DIAPH2: variants seen among roughly 807,000 people sequenced by gnomAD.
DIAPH2 encodes the protein diaphanous related formin 2, also known as protein diaphanous homolog 2.
A neutral mutation model predicts 92.7 loss-of-function variants in DIAPH2; 35 were observed. That is an observed-to-expected ratio of 0.38 (90% CI 0.29 to 0.50). The LOEUF is 0.50. Ranked by LOEUF, DIAPH2 falls within the 20% of genes least tolerant of loss-of-function variation. The pLI is 0.94. For missense variants in DIAPH2, 701 were observed against 819.5 expected, an observed-to-expected ratio of 0.86 and a Z score of 1.77; for synonymous variants, 301 against 280.4, an observed-to-expected ratio of 1.07 and a Z score of -0.73.
intron 23 of DIAPH2, among the ~76,000 whole-genome samples, chrX:97,282,698 G>T (rs2068509053): frequency 1.8e-5 from 2 of 111,486 alleles, no homozygotes; most frequent in Non-Finnish European, 3.8e-5. Flanking sequence ...CCATTTATTT[G>T]CCTCTTGATA....
At chrX:97,246,547 T>C (rs1016761635) in intron 22 of DIAPH2, among the ~76,000 whole-genome samples, 2 of 112,201 alleles carry the variant, frequency 1.8e-5, no homozygotes, top group Non-Finnish European at 3.8e-5. Context: ...TGAACTTCCA[T>C]GTATATTTAA....
At chrX:96,704,038 C>T (rs745440477) in intron 1 of DIAPH2, among the ~76,000 whole-genome samples, 32 of 111,439 alleles carry the variant, frequency 2.9e-4, no homozygotes, top group Middle Eastern at 4.6e-3. Flanking sequence ...AAGGGATCCC[C>T]CCACCTTAGC....
chrX:96,747,366 G>C (rs1414268075), intron 3 of DIAPH2, among the ~76,000 whole-genome samples: 1 of 111,601 alleles, frequency 9.0e-6, no homozygotes, highest in Non-Finnish European at 1.9e-5. Context: ...CAAAAGATGA[G>C]GCTAGTAATG....
intron 4 of DIAPH2, among the ~76,000 whole-genome samples, chrX:96,809,121 A>G (rs2064652842): frequency 9.0e-6 from 1 of 111,440 alleles, no homozygotes. Flanking sequence ...TCTATTAAGT[A>G]TTTAATATAA....
At chrX:96,787,171 G>T (rs1213560825) in intron 4 of DIAPH2, among the ~76,000 whole-genome samples, 2 of 111,562 alleles carry the variant, frequency 1.8e-5, no homozygotes, top group Admixed American at 9.6e-5. Flanking sequence ...TCGATGCCAT[G>T]AATTTACAGT....
intron 22 of DIAPH2, among the ~76,000 whole-genome samples, chrX:97,165,209 T>C (rs1190267554): frequency 9.0e-6 from 1 of 110,848 alleles, no homozygotes; most frequent in Non-Finnish European, 1.9e-5. Flanking sequence ...TAATACTATA[T>C]GGTGGGTGCA....
intron 17 of DIAPH2, among the ~76,000 whole-genome samples, chrX:96,990,128 C>T (rs1237076487): frequency 8.9e-6 from 1 of 111,998 alleles, no homozygotes; most frequent in African/African-American, 3.2e-5. Context: ...GAGAGTTTAG[C>T]AAAGGGAAAA....
intron 4 of DIAPH2, among the ~76,000 whole-genome samples, chrX:96,846,503 T>C (rs2064973355): frequency 8.9e-6 from 1 of 112,278 alleles, no homozygotes; most frequent in African/African-American, 3.2e-5. Context: ...AAACCTGCAA[T>C]ATTAAGCATA....
At chrX:96,967,395 TATTCATTCATTC>T (rs369521457) in intron 17 of DIAPH2, among the ~76,000 whole-genome samples, 16 of 105,759 alleles carry the variant, frequency 1.5e-4, no homozygotes, top group South Asian at 8.9e-4. Flanking sequence ...TTTATTTATT[TATTCATTCATTC>T]ATTCATTCAT....
intron 25 of DIAPH2, among the ~76,000 whole-genome samples, chrX:97,409,148 G>A (rs897915069): frequency 1.8e-5 from 2 of 111,877 alleles, no homozygotes; most frequent in Non-Finnish European, 3.8e-5. Context: ...GCTGAGTCAT[G>A]TTTTAAATTT....
In DIAPH2 at chrX:97,496,168, C is replaced by CTTTTT. The variant is rs10632820; in HGVS notation, c.3241+66443_3241+66447dup. 1.1e-3 allele frequency among the ~76,000 whole-genome samples: 57 copies of CTTTTT among 54,088 alleles called. 1 individual carries two copies. Among genetic ancestry groups the CTTTTT allele is most frequent in the East Asian group, 1.6e-3 (2 of 1,290 alleles). The allele number at this position is 54,088 out of a possible 115,157, so 47.0% of individuals were successfully genotyped here. On this transcript the variant is annotated intron_variant, in intron 26 of 26. Transcript: ENST00000324765. ...AAGGGTAACAAATTTGAATTGGTAC[C>CTTTTT]TTTTTTTTTTTTTTTTTTTTTTTTG...
chrX:97,505,098 C>A (rs1454901849), intron 26 of DIAPH2, among the ~76,000 whole-genome samples: 2 of 112,367 alleles, frequency 1.8e-5, no homozygotes, highest in Non-Finnish European at 3.8e-5. Context: ...GTTCAAACAT[C>A]AATGGACAAT....
intron 24 of DIAPH2, among the ~76,000 whole-genome samples, chrX:97,361,743 T>G (rs2069327460): frequency 8.9e-6 from 1 of 111,800 alleles, no homozygotes; most frequent in Non-Finnish European, 1.9e-5. Flanking sequence ...CACATTCAAA[T>G]ATGGGGACGT....
In DIAPH2 at chrX:97,426,942, C is replaced by T. The variant is rs767707336; in HGVS notation, c.3146-2708C>T. Among the ~76,000 whole-genome samples the T allele has an allele frequency of 3.6e-5, 4 of 110,638 alleles. No individual in the cohort carries two copies. In the East Asian group the frequency reaches 8.6e-4, roughly 24 times the overall value. ...CTGAAATCCCAGCACTTTGGGAGGCCGAGGCAGGCGGATCACTTGAGGTCA... is the reference window on the plus strand; with the variant it reads ...CTGAAATCCCAGCACTTTGGGAGGCTGAGGCAGGCGGATCACTTGAGGTCA... On this transcript the variant is annotated intron_variant, in intron 25 of 26. Transcript: ENST00000324765.
intron 1 of DIAPH2, among the ~76,000 whole-genome samples, chrX:96,726,341 G>A (rs1205697789): frequency 9.0e-6 from 1 of 111,670 alleles, no homozygotes; most frequent in Non-Finnish European, 1.9e-5. Context: ...AGTGGGAATC[G>A]AGAAAAACCT....
intron 26 of DIAPH2, among the ~76,000 whole-genome samples, chrX:97,511,858 C>T (rs2070896041): frequency 9.0e-6 from 1 of 110,655 alleles, no homozygotes; most frequent in African/African-American, 3.3e-5. Context: ...AGGGATGAAG[C>T]CCACTTGATC....
intron 5 of DIAPH2, among the ~76,000 whole-genome samples, chrX:96,887,428 T>G (rs6620199): frequency 0.1 from 11,562 of 110,749 alleles, 573 homozygotes; most frequent in East Asian, 0.32. Flanking sequence ...TATTGACTAT[T>G]TTGGGCAGGG....
intron 25 of DIAPH2, among the ~76,000 whole-genome samples, chrX:97,386,630 T>C (rs760368721): frequency 6.4e-5 from 7 of 108,772 alleles, no homozygotes; most frequent in Non-Finnish European, 9.5e-5. Context: ...ATCTCACCAC[T>C]GCACTCCAGC....
intron 26 of DIAPH2, among the ~76,000 whole-genome samples, chrX:97,571,085 G>A (rs1420766680): frequency 9.0e-6 from 1 of 111,594 alleles, no homozygotes; most frequent in Non-Finnish European, 1.9e-5. Flanking sequence ...AGAGACATTG[G>A]TAATAATGGG....
Sources: gnomAD v4.1 joint callset for allele counts (sites outside exome capture counted in the v4.1 genomes callset) on GRCh38, gnomAD v4.1.1 for gene constraint, MANE v1.5 for transcripts, NCBI Gene and HGNC (gene_info 2026-07-23, HGNC 2026-07-21) for gene names.